Variants in MPPED2 observed in about 807,000 individuals in gnomAD.
The protein encoded by MPPED2 is metallophosphoesterase MPPED2.
A neutral mutation model predicts 33.0 loss-of-function variants in MPPED2; 5 were observed. The ratio of observed to expected loss-of-function variants is 0.15; its 90% confidence interval spans 0.08 to 0.32. The LOEUF (loss-of-function observed/expected upper bound fraction) is 0.32, where lower values mean the gene tolerates loss of function less well. MPPED2 is among the 10% of genes least tolerant of loss of function. The pLI, the probability that MPPED2 is intolerant of heterozygous loss-of-function variation, is 1.00. For synonymous variants in MPPED2, 136 were observed against 141.9 expected (o/e 0.96, Z 0.29); for missense variants, 275 against 372.1 (o/e 0.74, Z 2.15).
chr11:30,586,359 G>C (rs939570867), upstream of MPPED2: 1 of 152,910 alleles, frequency 6.5e-6, no homozygotes, highest in Non-Finnish European at 1.5e-5. This position sits in a 1 kb window ranked among gnomAD's most constrained non-coding sequence, Gnocchi z 4.8. Flanking sequence ...GCAGTGACAG[G>C]GACTGCCACT....
At chr11:30,402,040 A>C (rs1383218278) in intron 6 of MPPED2, among the ~76,000 whole-genome samples, 2 of 151,934 alleles carry the variant, frequency 1.3e-5, no homozygotes, top group African/African-American at 4.8e-5. Context: ...TCCTTTCAGA[A>C]TTGCCTCTAG....
At chr11:30,456,661 C>T (rs915320862) in intron 4 of MPPED2, among the ~76,000 whole-genome samples, 2 of 151,984 alleles carry the variant, frequency 1.3e-5, no homozygotes, top group Non-Finnish European at 2.9e-5. Context: ...ATTCTGTAAC[C>T]CTAAGAATCA....
chr11:30,420,087 G>A (rs1358285998), intron 4 of MPPED2, among the ~76,000 whole-genome samples: 1 of 152,148 alleles, frequency 6.6e-6, no homozygotes, highest in Non-Finnish European at 1.5e-5. Flanking sequence ...ACCTGTGAAT[G>A]TTACTGTACA....
intron 3 of MPPED2, among the ~76,000 whole-genome samples, chr11:30,516,828 GAAGA>G (rs1352012235): frequency 3.9e-5 from 6 of 152,068 alleles, no homozygotes; most frequent in African/African-American, 1.2e-4. Context: ...AAAAAAGAAA[GAAGA>G]AAGAAAGAAA....
intron 4 of MPPED2, among the ~76,000 whole-genome samples, chr11:30,456,200 A>C (rs558219831): frequency 6.6e-6 from 1 of 152,258 alleles, no homozygotes; most frequent in South Asian, 2.1e-4. Flanking sequence ...GGAAAATTCA[A>C]CTGGAGAAGA....
intron 4 of MPPED2, among the ~76,000 whole-genome samples, chr11:30,484,918 C>A: frequency 6.6e-6 from 1 of 152,156 alleles, no homozygotes; most frequent in East Asian, 1.9e-4. Flanking sequence ...CTATTTATCT[C>A]ATTTCTACTC....
chr11:30,429,513 C>T (rs1243851626), intron 4 of MPPED2, among the ~76,000 whole-genome samples: 1 of 152,170 alleles, frequency 6.6e-6, no homozygotes, highest in Admixed American at 6.5e-5. Flanking sequence ...TTAGACTGCC[C>T]TTCAATTCAG....
At chr11:30,524,176 C>T (rs2134397460) in intron 3 of MPPED2, among the ~76,000 whole-genome samples, 1 of 152,172 alleles carries the variant, frequency 6.6e-6, no homozygotes, top group East Asian at 1.9e-4. Flanking sequence ...TCGCTTGAGT[C>T]TGGGAGGCGG....
intron 4 of MPPED2, among the ~76,000 whole-genome samples, chr11:30,479,439 A>C (rs1951378061): frequency 6.6e-6 from 1 of 152,144 alleles, no homozygotes; most frequent in Non-Finnish European, 1.5e-5. Context: ...GCAATTGAGA[A>C]GAGTAGGGGG....
In MPPED2 at chr11:30,487,807, C is replaced by G. The variant is rs1191044571; in HGVS notation, c.536+7489G>C. On this transcript the variant is annotated intron_variant, in intron 4 of 6. Coordinates refer to ENST00000358117, the MANE Select transcript of MPPED2 (RefSeq NM_001584.3). ...TCTTTTTAAACCCTAGTGTCTGAGT[C>G]ACTTGTTTTTTCTCTTCCCTCAATG... Among the ~76,000 whole-genome samples the G allele has an allele frequency of 3.3e-5, 5 of 152,112 alleles. No individual in the cohort carries two copies. In the East Asian group the frequency reaches 9.6e-4, roughly 29 times the overall value.
intron 4 of MPPED2, among the ~76,000 whole-genome samples, chr11:30,475,991 A>C (rs1280632927): frequency 1.3e-5 from 2 of 152,070 alleles, no homozygotes; most frequent in Non-Finnish European, 2.9e-5. Context: ...TTCAGCCATG[A>C]CTAATGTTTT....
chr11:30,487,602 T>C (rs1217835264), intron 4 of MPPED2, among the ~76,000 whole-genome samples: 2 of 152,010 alleles, frequency 1.3e-5, no homozygotes, highest in African/African-American at 2.4e-5. Context: ...TGCCTCAACC[T>C]CCCAAGTAGC....
At chr11:30,416,895 T>C (rs1948389874) in intron 5 of MPPED2, among the ~76,000 whole-genome samples, 1 of 152,192 alleles carries the variant, frequency 6.6e-6, no homozygotes, top group South Asian at 2.1e-4. Context: ...CTTTGGCCCA[T>C]AATGTGGCTC....
At chr11:30,471,463 C>T (rs1001321357) in intron 4 of MPPED2, among the ~76,000 whole-genome samples, 5 of 152,198 alleles carry the variant, frequency 3.3e-5, no homozygotes, top group Non-Finnish European at 7.3e-5. Flanking sequence ...CTTGCTTCTA[C>T]TCATTGGGCA....
Position 30,411,596 on chromosome 11 carries a change from G to C in MPPED2, c.767-10C>G. On this transcript the variant is annotated splice_polypyrimidine_tract_variant and intron_variant, in intron 6 of 6. Transcript: ENST00000358117. ...GTCATGATGCCATAACCTGTGGGGA[G>C]AGCGTGTCACATTTACTGTAATATA... is the stretch of plus-strand genomic sequence containing the variant. 6.2e-7 allele frequency: 1 copy of C among 1,607,022 alleles called. No individual in the cohort carries two copies. The highest frequency in any genetic ancestry group is 8.5e-7 in the Non-Finnish European group (1 of 1,175,292).
chr11:30,533,545 C>T (rs1954649568), intron 3 of MPPED2, among the ~76,000 whole-genome samples: 1 of 152,176 alleles, frequency 6.6e-6, no homozygotes, highest in African/African-American at 2.4e-5. Flanking sequence ...CACCTGGCAG[C>T]TGCTGCTAGA....
intron 4 of MPPED2, among the ~76,000 whole-genome samples, chr11:30,435,770 C>A (rs1949296490): frequency 6.6e-6 from 1 of 152,188 alleles, no homozygotes. Context: ...TGCCCCCAAA[C>A]CCCAACCTCA....
intron 3 of MPPED2, among the ~76,000 whole-genome samples, chr11:30,496,705 G>GA: frequency 7.6e-6 from 1 of 132,240 alleles, no homozygotes; most frequent in Admixed American, 7.7e-5. Flanking sequence ...AGAGAATTTT[G>GA]TGGGCGGGGG....
chr11:30,428,235 C>T (rs940339434), intron 4 of MPPED2, among the ~76,000 whole-genome samples: 11 of 152,202 alleles, frequency 7.2e-5, no homozygotes, highest in Admixed American at 5.9e-4. Flanking sequence ...GTATATATCT[C>T]TCATCTGACT....
Sources: gnomAD v4.1 joint callset for allele counts (sites outside exome capture counted in the v4.1 genomes callset) on GRCh38, gnomAD v4.1.1 for gene constraint, Gnocchi (gnomAD v3.1) non-coding constraint, MANE v1.5 for transcripts, NCBI Gene and HGNC (gene_info 2026-07-23, HGNC 2026-07-21) for gene names.